PBX1: variants seen among roughly 807,000 people sequenced by gnomAD.
PBX1 encodes the protein PBX homeobox 1, also known as pre-B-cell leukemia transcription factor 1.
A neutral mutation model predicts 53.4 loss-of-function variants in PBX1; 6 were observed. That is an observed-to-expected ratio of 0.11 (90% confidence interval 0.06 to 0.22). PBX1 has a LOEUF of 0.22. PBX1 is among the 10% of genes least tolerant of loss of function. The pLI, the probability that PBX1 is intolerant of heterozygous loss-of-function variation, is 1.00. For missense variants in PBX1, 251 were observed against 551.4 expected (o/e 0.46, Z 5.46); for synonymous variants, 204 against 212.3 (o/e 0.96, Z 0.34).
intron 2 of PBX1, among the ~76,000 whole-genome samples, chr1:164,874,007 G>GA (rs11381707): frequency 0.46 from 65,720 of 143,392 alleles, 16,008 homozygotes; most frequent in East Asian, 0.66. Context: ...GAGGAATTCA[G>GA]AAAAAAAAAA....
At chr1:164,690,161 C>T (rs1282661762) in intron 2 of PBX1, among the ~76,000 whole-genome samples, 2 of 152,132 alleles carry the variant, frequency 1.3e-5, no homozygotes, top group African/African-American at 4.8e-5. Context: ...CCTCTGTGCT[C>T]TCGCTCTCCA....
intron 2 of PBX1, among the ~76,000 whole-genome samples, chr1:164,664,365 G>T (rs542034876): frequency 1.3e-5 from 2 of 152,268 alleles, no homozygotes; most frequent in Admixed American, 1.3e-4. Flanking sequence ...GACAACTGGT[G>T]TTGGCCGTAC....
intron 2 of PBX1, among the ~76,000 whole-genome samples, chr1:164,721,686 C>T (rs945742607): frequency 5.9e-5 from 9 of 152,208 alleles, no homozygotes; most frequent in South Asian, 4.2e-4. Context: ...GAATACTGAA[C>T]GTTTTATTTA....
chr1:164,711,940 G>A (rs1663808610), intron 2 of PBX1, among the ~76,000 whole-genome samples: 1 of 152,102 alleles, frequency 6.6e-6, no homozygotes. Flanking sequence ...TACTGAGACT[G>A]AATTTTGTCT....
At chr1:164,679,469 C>T (rs1661625077) in intron 2 of PBX1, among the ~76,000 whole-genome samples, 1 of 152,116 alleles carries the variant, frequency 6.6e-6, no homozygotes, top group African/African-American at 2.4e-5. Context: ...CCTTTGAAAA[C>T]AGGTGATGGG....
At chr1:164,757,397 C>T (rs775073122) in intron 2 of PBX1, among the ~76,000 whole-genome samples, 3 of 152,098 alleles carry the variant, frequency 2.0e-5, no homozygotes, top group East Asian at 3.9e-4. Flanking sequence ...ATATTGAAGT[C>T]GTATCTATTC....
At chr1:164,589,261 C>T (rs902548328) in intron 2 of PBX1, among the ~76,000 whole-genome samples, 8 of 151,996 alleles carry the variant, frequency 5.3e-5, no homozygotes, top group African/African-American at 7.3e-5. Context: ...GTTTAAGTTT[C>T]TGCAGGCACA....
intron 3 of PBX1, among the ~76,000 whole-genome samples, chr1:164,797,828 C>T (rs1412541597): frequency 6.6e-6 from 1 of 152,170 alleles, no homozygotes; most frequent in Non-Finnish European, 1.5e-5. Flanking sequence ...ATTGCCATCT[C>T]GGTTTCACAA....
intron 2 of PBX1, among the ~76,000 whole-genome samples, chr1:164,576,446 C>T (rs1654243458): frequency 6.6e-6 from 1 of 152,218 alleles, no homozygotes; most frequent in Non-Finnish European, 1.5e-5. Context: ...CTGCGCCTTG[C>T]ACCGGCTCCC....
At chr1:164,794,898 A>C (rs1668709253) in intron 3 of PBX1, among the ~76,000 whole-genome samples, 1 of 152,132 alleles carries the variant, frequency 6.6e-6, no homozygotes, top group South Asian at 2.1e-4. Flanking sequence ...ATTGCAATGG[A>C]TGTTAGGTTG....
intron 1 of PBX1, among the ~76,000 whole-genome samples, chr1:164,562,599 G>A (rs1037327331): frequency 1.3e-5 from 2 of 152,178 alleles, no homozygotes; most frequent in African/African-American, 2.4e-5. Context: ...CAAATAAGCA[G>A]TGTGTGCACA....
At chr1:164,806,987 G>A (rs1373165718) in intron 4 of PBX1, among the ~76,000 whole-genome samples, 5 of 152,154 alleles carry the variant, frequency 3.3e-5, no homozygotes, top group Admixed American at 1.3e-4. Context: ...GGCTGGGCGC[G>A]GTGGCTCATG....
intron 2 of PBX1, among the ~76,000 whole-genome samples, chr1:164,620,070 G>C (rs1657565588): frequency 6.6e-6 from 1 of 152,114 alleles, no homozygotes; most frequent in Non-Finnish European, 1.5e-5. Context: ...GCACACATCT[G>C]TAGTCCTAGC....
chr1:164,626,255 G>A (rs1355655370), intron 2 of PBX1, among the ~76,000 whole-genome samples: 1 of 152,072 alleles, frequency 6.6e-6, no homozygotes, highest in Non-Finnish European at 1.5e-5. Context: ...GGAAATCCTG[G>A]GAAAACCTCT....
rs1042677558 is a variant in PBX1, at chr1:164,795,887, G to A, written c.510+3149G>A. ...TTGTTTTATTTTTGGCATGGTGATG[G>A]CAGATAACTATACAATAATTAGCTA... is the stretch of plus-strand genomic sequence containing the variant. On this transcript the variant is annotated intron_variant, in intron 3 of 8. Transcript: ENST00000420696. 3.3e-5 allele frequency among the ~76,000 whole-genome samples: 5 copies of A among 152,046 alleles called. No individual in the cohort carries two copies. In the South Asian group the frequency reaches 8.3e-4, roughly 25 times the overall value.
rs529118225 is a variant in PBX1, at chr1:164,805,120, C to T, written c.702-2422C>T. On this transcript the variant is annotated intron_variant, in intron 4 of 8. Coordinates refer to ENST00000420696, the MANE Select transcript of PBX1 (RefSeq NM_002585.4). ...CCCTGTGATTCAAAAATATTCTGTC[C>T]CTAAAACACCATATTTATCCAGTAA... Among the ~76,000 whole-genome samples the T allele has an allele frequency of 7.2e-4, 109 of 152,104 alleles. 1 individual carries two copies. The highest frequency in any genetic ancestry group is 2.5e-3 in the African/African-American group (102 of 41,492).
At chr1:164,732,271 G>A (rs751333175) in intron 2 of PBX1, among the ~76,000 whole-genome samples, 1 of 152,060 alleles carries the variant, frequency 6.6e-6, no homozygotes, top group South Asian at 2.1e-4. Context: ...TAAAAGGATG[G>A]TTACTCATAC....
At chr1:164,876,097 C>T (rs181598852) in intron 2 of PBX1, among the ~76,000 whole-genome samples, 16 of 150,390 alleles carry the variant, frequency 1.1e-4, no homozygotes, top group African/African-American at 3.9e-4. Context: ...GGTCAGTGAA[C>T]TCAGAACAAA....
At chr1:164,846,493 G>T (rs1348534841) in intron 8 of PBX1, 91 bp from the exon 9 acceptor site, 4 of 1,048,436 alleles carry the variant, frequency 3.8e-6, no homozygotes, top group Non-Finnish European at 6.0e-6. Context: ...ACTATGCTAG[G>T]TCCTTTACAC....
Sources: allele counts gnomAD v4.1 joint callset (sites outside exome capture counted in the v4.1 genomes callset), GRCh38; gene constraint gnomAD v4.1.1; transcripts MANE v1.5; gene names NCBI Gene and HGNC (gene_info 2026-07-23, HGNC 2026-07-21).